GOLGB1: variants seen among roughly 807,000 people sequenced by gnomAD.
The protein encoded by GOLGB1 is golgin subfamily B member 1.
GOLGB1 carries 174 observed loss-of-function variants against 336.9 expected under a neutral mutation model. That is an observed-to-expected ratio of 0.52 (90% CI 0.46 to 0.59). GOLGB1 has a LOEUF of 0.59. GOLGB1 is among the 20% of genes least tolerant of loss of function. The probability of loss-of-function intolerance (pLI) is 0.00; values close to 1 mark genes in which losing one functional copy is unlikely to be tolerated. For missense variants in GOLGB1, 3,331 were observed against 3,645.3 expected (o/e 0.91, Z 2.22); for synonymous variants, 1,208 against 1,289.2 (o/e 0.94, Z 1.35).
intron 1 of GOLGB1, among the ~76,000 whole-genome samples, 196 bp downstream of exon 1, chr3:121,749,436 G>A (rs1947606047): frequency 6.6e-6 from 1 of 152,214 alleles, no homozygotes; most frequent in South Asian, 2.1e-4. Flanking sequence ...GAGAGGCCGA[G>A]GCTTGTGGGC....
chr3:121,714,534 A>T (rs565475984), intron 10 of GOLGB1, among the ~76,000 whole-genome samples: 1 of 152,286 alleles, frequency 6.6e-6, no homozygotes, highest in Non-Finnish European at 1.5e-5. Context: ...CCAAAAAAAA[A>T]AAAGACTTCC....
Position 121,691,288 on chromosome 3 carries a change from A to G in GOLGB1, c.8076T>C (p.Leu2692=). The G allele has an allele frequency of 6.2e-7, 1 of 1,613,650 alleles. No individual in the cohort carries two copies. Among genetic ancestry groups the G allele is most frequent in the Non-Finnish European group, 8.5e-7 (1 of 1,179,926 alleles). ...TTCTCATTATCCCTGCATCATGATG[A>G]AGATGCTTTAATTCTTTCTTCAGTT... ...EDKLKKELKH[L]HHDAGIMRNE... is the part of the protein sequence containing the mutation. The change falls in exon 14 of 22, where the codon CTT becomes CTC. Residue 2692 remains leucine (L), a synonymous_variant. Coordinates refer to ENST00000614479, the MANE Select transcript of GOLGB1 (RefSeq NM_001366282.2).
At chr3:121,675,116 G>A (rs1400421870) in intron 17 of GOLGB1, among the ~76,000 whole-genome samples, 1 of 151,596 alleles carries the variant, frequency 6.6e-6, no homozygotes, top group East Asian at 2.0e-4. Context: ...GATTACAGGC[G>A]TGAGCCACCG....
chr3:121,716,747 C>T lies in GOLGB1; in HGVS notation c.1278G>A (p.Gln426=), dbSNP rs768282728. 84 of 1,607,206 alleles carry T rather than the reference C, an allele frequency of 5.2e-5. No individual in the cohort carries two copies. The highest frequency in any genetic ancestry group is 1.7e-4 in the Middle Eastern group (1 of 6,040). Residue 426 remains glutamine (Q), a synonymous_variant, in exon 9 of 22, where the codon CAG becomes CAA. Transcript: ENST00000614479. ...CAATCAGCTACTGACCTTCCAGTTG[C>T]TGAATGGTCTGGGCTGACTGAACTG... The part of the protein sequence containing the change: ...EQAVQSAQTI[Q]QLEDQLQQKS...
intron 6 of GOLGB1, among the ~76,000 whole-genome samples, chr3:121,720,876 T>C (rs1945144391): frequency 6.6e-6 from 1 of 152,206 alleles, no homozygotes; most frequent in African/African-American, 2.4e-5. Flanking sequence ...TTCCGTGTAA[T>C]TTTCCTTAAC....
intron 20 of GOLGB1, among the ~76,000 whole-genome samples, chr3:121,667,025 GT>G (rs1315178082): frequency 1.1e-4 from 17 of 152,150 alleles, no homozygotes; most frequent in Admixed American, 1.1e-3. Context: ...GAAGTTCAGG[GT>G]TAGGAAGTGC....
chr3:121,748,451 G>GA (rs139229166), intron 1 of GOLGB1, among the ~76,000 whole-genome samples: 25,401 of 152,182 alleles, frequency 0.17, 2,707 homozygotes, highest in Middle Eastern at 0.29. Flanking sequence ...GCAGTGAAAA[G>GA]AAAAACATTA....
intron 8 of GOLGB1, among the ~76,000 whole-genome samples, chr3:121,717,371 A>G (rs1030612835): frequency 2.6e-5 from 4 of 152,208 alleles, no homozygotes; most frequent in Admixed American, 2.6e-4. Flanking sequence ...TATAGCACCA[A>G]TTCTGCATTA....
chr3:121,720,213 T>C (rs1945091219), intron 6 of GOLGB1, among the ~76,000 whole-genome samples: 2 of 152,230 alleles, frequency 1.3e-5, no homozygotes, highest in East Asian at 1.9e-4. Context: ...ATATCATTTA[T>C]TCAAGATTCT....
intron 1 of GOLGB1, among the ~76,000 whole-genome samples, chr3:121,747,153 TA>T (rs1560351111): frequency 1.1e-3 from 23 of 20,322 alleles, no homozygotes; most frequent in African/African-American, 3.4e-3. Context: ...ATGGATGTTA[TA>T]TATATATATA....
chr3:121,686,681 AC>A, intron 14 of GOLGB1, among the ~76,000 whole-genome samples: 1 of 152,136 alleles, frequency 6.6e-6, no homozygotes, highest in Non-Finnish European at 1.5e-5. Context: ...ACACACACAC[AC>A]AATAAGGCAA....
Position 121,728,323 on chromosome 3 carries a change from A to G in GOLGB1, c.402+865T>C, listed in dbSNP as rs147672707. Among the ~76,000 whole-genome samples the G allele has an allele frequency of 3.9e-5, 6 of 152,362 alleles. No homozygotes were observed. In the East Asian group the frequency reaches 1.2e-3, roughly 29 times the overall value. On this transcript the variant is annotated intron_variant, in intron 4 of 21. Coordinates refer to ENST00000614479, the MANE Select transcript of GOLGB1 (RefSeq NM_001366282.2). ...TAGCGATCCCAAAGGTTGTGCCTAGAAAACTGATTAAAATCTCATTTCCCA... is the reference window on the plus strand; with the variant it reads ...TAGCGATCCCAAAGGTTGTGCCTAGGAAACTGATTAAAATCTCATTTCCCA...
chr3:121,697,238 G>C lies in GOLGB1; in HGVS notation c.3285C>G (p.Phe1095Leu). Residue 1095 changes from phenylalanine to leucine, a missense_variant, in exon 13 of 22, where the codon TTC becomes TTG. Coordinates refer to ENST00000614479, the MANE Select transcript of GOLGB1 (RefSeq NM_001366282.2). ...GATTCATCTGTTTGACCAGAGCCTGGAATTGCTCTTCAGCTGCCAGCTTTT... is the reference window on the plus strand; with the variant it reads ...GATTCATCTGTTTGACCAGAGCCTGCAATTGCTCTTCAGCTGCCAGCTTTT... ...LEEKLAAEEQ[F>L]QALVKQMNQT... 1 of 1,614,056 alleles carries C rather than the reference G, an allele frequency of 6.2e-7. No individual in the cohort carries two copies. Among genetic ancestry groups the C allele is most frequent in the South Asian group, 1.1e-5 (1 of 91,078 alleles).
At chr3:121,742,681 A>AACCT (rs1391068823) in intron 1 of GOLGB1, among the ~76,000 whole-genome samples, 1 of 152,232 alleles carries the variant, frequency 6.6e-6, no homozygotes, top group East Asian at 1.9e-4. Flanking sequence ...GTGAACAGGC[A>AACCT]ACCTACAGAA....
intron 1 of GOLGB1, among the ~76,000 whole-genome samples, chr3:121,741,036 A>AG (rs1215085261): frequency 6.6e-6 from 1 of 152,094 alleles, no homozygotes; most frequent in Non-Finnish European, 1.5e-5. Context: ...TGTTTTTGCC[A>AG]GAAAAAAAAA....
chr3:121,719,466 C>G (rs527342406), intron 7 of GOLGB1, among the ~76,000 whole-genome samples, 180 bp downstream of exon 7: 1 of 151,706 alleles, frequency 6.6e-6, no homozygotes, highest in East Asian at 1.9e-4. Context: ...GGGTAAAAGG[C>G]AAGAAAAGGA....
At chr3:121,689,234 A>G (rs1942168695) in intron 14 of GOLGB1, among the ~76,000 whole-genome samples, 4 of 152,230 alleles carry the variant, frequency 2.6e-5, no homozygotes, top group African/African-American at 9.6e-5. Flanking sequence ...GAAAAGATTG[A>G]GAAATCGGAT....
rs770806221 is a variant in GOLGB1 at position 121,694,514 on chromosome 3, C to G, written c.6009G>C (p.Gln2003His). The G allele has an allele frequency of 8.7e-6, 14 of 1,612,006 alleles. No individual in the cohort carries two copies. In the East Asian group the frequency reaches 2.9e-4, roughly 33 times the overall value. Residue 2003 changes from glutamine to histidine, a missense_variant, in exon 13 of 22, where the codon CAG becomes CAC. Gln to His is a conservative substitution (Grantham distance 24, BLOSUM62 0). Transcript: ENST00000614479. Reference sequence around the variant, plus strand: ...CATGGCTTTTATTTCCGGGTTCTTTCTGAGCACCTTGTATTTTCTCCAAAT... The same window carrying G: ...CATGGCTTTTATTTCCGGGTTCTTTGTGAGCACCTTGTATTTTCTCCAAAT... ...KEYLEKIQGAQKEPGNKSHAK... is the reference protein window; with the variant it reads ...KEYLEKIQGAHKEPGNKSHAK...
rs116470131 is a variant in GOLGB1, at chr3:121,701,590, T to C, written c.1519+891A>G. Among the ~76,000 whole-genome samples, 381 of 152,308 alleles carry C rather than the reference T, an allele frequency of 2.5e-3. 3 individuals are homozygous for C. The highest frequency in any genetic ancestry group is 3.0e-3 in the Non-Finnish European group (205 of 67,998). The stretch of plus-strand genomic sequence containing the variant: ...GATCAATAAAGCATTAACGACACGC[T>C]ACTAAATCCATAAAGTCTACATGAA... On this transcript the variant is annotated intron_variant, in intron 11 of 21. Coordinates refer to ENST00000614479, the MANE Select transcript of GOLGB1 (RefSeq NM_001366282.2).
Sources: gnomAD v4.1 joint callset for allele counts (sites outside exome capture counted in the v4.1 genomes callset) on GRCh38, gnomAD v4.1.1 for gene constraint, MANE v1.5 for transcripts, NCBI Gene and HGNC (gene_info 2026-07-23, HGNC 2026-07-21) for gene names.